The following PLAUR variants were observed in gnomAD, a reference collection of about 807,000 sequenced individuals.
PLAUR encodes the protein plasminogen activator, urokinase receptor.
In PLAUR, 22 loss-of-function variants were observed where a neutral mutation model predicts 33.4. The observed-to-expected ratio is 0.66, with a 90% confidence interval of 0.47 to 0.94. PLAUR has a LOEUF of 0.94. PLAUR is among the 40% of genes least tolerant of loss of function. PLAUR has a pLI of 0.00. For missense variants in PLAUR, 408 were observed against 434.7 expected (o/e 0.94, Z 0.55); for synonymous variants, 148 against 167.3 (o/e 0.88, Z 0.89).
chr19:43,657,014 G>A (rs1329613612), intron 3 of PLAUR, among the ~76,000 whole-genome samples: 2 of 150,726 alleles, frequency 1.3e-5, no homozygotes, highest in African/African-American at 4.9e-5. Flanking sequence ...CACCATCTTG[G>A]CTCACTGCAA....
At chr19:43,662,323 C>G (rs2146262759) in intron 3 of PLAUR, among the ~76,000 whole-genome samples, 1 of 152,058 alleles carries the variant, frequency 6.6e-6, no homozygotes, top group Admixed American at 6.6e-5. Context: ...TGGTGAAACC[C>G]CATCTCTACT....
At chr19:43,667,962 C>A in intron 1 of PLAUR, 1 of 1,308,946 alleles carries the variant, frequency 7.6e-7, no homozygotes, top group Non-Finnish European at 9.8e-7. Flanking sequence ...ATTCTGTCCT[C>A]GTGAGGCGTA....
intron 3 of PLAUR, among the ~76,000 whole-genome samples, chr19:43,662,523 G>A (rs986745047): frequency 6.6e-6 from 1 of 151,936 alleles, no homozygotes; most frequent in Non-Finnish European, 1.5e-5. Context: ...AAATAATTGC[G>A]ATCATGACAT....
rs4251857 is a variant in PLAUR, at chr19:43,659,694, C to G, written c.311-3054G>C. Among the ~76,000 whole-genome samples, 915 of 152,306 alleles carry G rather than the reference C, an allele frequency of 6.0e-3. 13 individuals carry two copies. The highest frequency in any genetic ancestry group is 0.02 in the African/African-American group (844 of 41,574). On this transcript the variant is annotated intron_variant, in intron 3 of 6. Coordinates refer to ENST00000340093, the MANE Select transcript of PLAUR (RefSeq NM_002659.4). ...ACTGCTCTTTTTCTTGAAGTCCACG[C>G]GTCCAAGGCGGCCCCATCCAGTCCC... is the stretch of plus-strand genomic sequence containing the variant.
Position 43,665,338 on chromosome 19 carries a change from G to A in PLAUR, c.288C>T (p.Asp96=). ...TSLTEVVCGL[D]LCNQGNSGRA... ...CACCAGAGTTGCCCTGGTTGCACAA[G>A]TCTAACCCACACACAACCTCGGTAA... The change falls in exon 3 of 7, where the codon GAC becomes GAT. Residue 96 remains aspartate (D), a synonymous_variant. Coordinates refer to ENST00000340093, the MANE Select transcript of PLAUR (RefSeq NM_002659.4). 1 of 1,613,994 alleles carries A rather than the reference G, an allele frequency of 6.2e-7. No individual in the cohort carries two copies. The highest frequency in any genetic ancestry group is 8.5e-7 in the Non-Finnish European group (1 of 1,180,004).
chr19:43,667,425 G>C (rs1002098944), intron 2 of PLAUR, 156 bp downstream of exon 2: 4 of 628,676 alleles, frequency 6.4e-6, no homozygotes, highest in Non-Finnish European at 1.1e-5. Context: ...GGTATTGTCA[G>C]ATTTTTAAAT....
At chr19:43,646,144 G>T, downstream of PLAUR, 1 of 218,572 alleles carries the variant, frequency 4.6e-6, no homozygotes, top group Non-Finnish European at 9.2e-6. Context: ...TCACTGTGTT[G>T]CCCAGGCTGA....
Position 43,656,655 on chromosome 19 carries a change from G to C in PLAUR, c.311-15C>G. 6.3e-7 allele frequency: 1 copy of C among 1,575,184 alleles called. No individual in the cohort carries two copies. The highest frequency in any genetic ancestry group is 1.7e-4 in the Middle Eastern group (1 of 5,866). ...GACAGCCCGGCCTGTTTGGAAGAGG[G>C]GGAGGGGAGTGAGACTCCATGGGGA... On this transcript the variant is annotated splice_polypyrimidine_tract_variant and intron_variant, in intron 3 of 6. Coordinates refer to ENST00000340093, the MANE Select transcript of PLAUR (RefSeq NM_002659.4).
intron 6 of PLAUR, chr19:43,651,683 T>A: frequency 2.5e-6 from 1 of 399,302 alleles, no homozygotes; most frequent in Non-Finnish European, 3.4e-6. Context: ...GTGGTTCTCC[T>A]CCTCACCCTC....
At chr19:43,667,914 C>G (rs1568566862) in intron 1 of PLAUR, 1 of 1,391,284 alleles carries the variant, frequency 7.2e-7, no homozygotes, top group Non-Finnish European at 9.3e-7. Context: ...GCCCACAAGT[C>G]CTTTCCCAAA....
At chr19:43,665,796 T>C (rs1008367861) in intron 2 of PLAUR, among the ~76,000 whole-genome samples, 26 of 135,152 alleles carry the variant, frequency 1.9e-4, no homozygotes, top group African/African-American at 7.2e-4. Flanking sequence ...CCCGAGTAGC[T>C]GGAACCACAG....
At chr19:43,662,050 A>G (rs765768009) in intron 3 of PLAUR, among the ~76,000 whole-genome samples, 13 of 151,962 alleles carry the variant, frequency 8.6e-5, no homozygotes, top group Non-Finnish European at 1.5e-4. Context: ...TCTTAAATCT[A>G]TCCACTTTTC....
Position 43,648,717 on chromosome 19 carries a change from C to G in PLAUR, c.*173G>C, listed in dbSNP as rs1973868741. 2.3e-6 allele frequency: 2 copies of G among 871,442 alleles called. No individual in the cohort carries two copies. The highest frequency in any genetic ancestry group is 6.0e-5 in the Admixed American group (2 of 33,498). The allele number at this position is 871,442 out of a possible 1,614,324, so 54.0% of individuals were successfully genotyped here. On this transcript the variant is annotated 3_prime_UTR_variant, in exon 7 of 7. Coordinates refer to ENST00000340093, the MANE Select transcript of PLAUR (RefSeq NM_002659.4). The stretch of plus-strand genomic sequence containing the variant: ...CCCACGGCCTTCCTCCAGCTTTTCT[C>G]TTCTGCTTCACACAACTTTGTGAGA...
intron 3 of PLAUR, among the ~76,000 whole-genome samples, chr19:43,663,549 A>T (rs181902455): frequency 0.012 from 1,840 of 152,246 alleles, 19 homozygotes; most frequent in Middle Eastern, 0.048. Context: ...TGGGAGGCTG[A>T]GGCGGGCAGA....
At chr19:43,667,864 A>C (rs935367624) in intron 1 of PLAUR, 173 bp from the exon 2 acceptor site, 1 of 1,440,322 alleles carries the variant, frequency 6.9e-7, no homozygotes, top group Non-Finnish European at 9.1e-7. Flanking sequence ...TCCGTTGTCC[A>C]CGTTCTACCT....
chr19:43,668,960 G>T (rs1490695114), intron 1 of PLAUR, among the ~76,000 whole-genome samples: 1 of 152,072 alleles, frequency 6.6e-6, no homozygotes, highest in Non-Finnish European at 1.5e-5. Context: ...CCCCGAGATT[G>T]CAGCCCAGTC....
chr19:43,647,255 G>A (rs558184355), downstream of PLAUR, among the ~76,000 whole-genome samples: 4 of 152,262 alleles, frequency 2.6e-5, no homozygotes, highest in South Asian at 2.1e-4. Context: ...GAGGCATCCC[G>A]GGAAATAGAG....
Position 43,667,563 on chromosome 19 carries a change from G to C in PLAUR, c.166+18C>G. The C allele has an allele frequency of 6.4e-7, 1 of 1,561,050 alleles. No individual in the cohort carries two copies. The highest frequency in any genetic ancestry group is 8.8e-7 in the Non-Finnish European group (1 of 1,132,002). Reference sequence around the variant, plus strand: ...CCATGCTGCGCTGGAGGGGTGTGTGGGTTGGGGGGAAGCTCACCTTCCCAC... The same window carrying C: ...CCATGCTGCGCTGGAGGGGTGTGTGCGTTGGGGGGAAGCTCACCTTCCCAC... On this transcript the variant is annotated intron_variant, in intron 2 of 6. Coordinates refer to ENST00000340093, the MANE Select transcript of PLAUR (RefSeq NM_002659.4).
chr19:43,665,482 AC>A, intron 2 of PLAUR, 23 bp from the exon 3 acceptor site: 2 of 1,609,500 alleles, frequency 1.2e-6, no homozygotes, highest in South Asian at 1.1e-5. Context: ...GATCTTCATT[AC>A]CCCAGAGGCT....
Sources: allele counts gnomAD v4.1 joint callset (sites outside exome capture counted in the v4.1 genomes callset), GRCh38; gene constraint gnomAD v4.1.1; transcripts MANE v1.5; gene names NCBI Gene and HGNC (gene_info 2026-07-23, HGNC 2026-07-21).